Variants in NPC1 observed in about 807,000 individuals in gnomAD.
The protein encoded by NPC1 is Niemann-Pick C1 protein.
In NPC1, 85 loss-of-function variants were observed where a neutral mutation model predicts 140.4. The ratio of observed to expected loss-of-function variants is 0.61; its 90% confidence interval spans 0.51 to 0.72. The LOEUF (loss-of-function observed/expected upper bound fraction) is 0.72. NPC1 is among the 30% of genes least tolerant of loss of function. The pLI is 0.00. For synonymous variants in NPC1, 656 were observed against 624.8 expected (o/e 1.05, Z -0.74); for missense variants, 1,504 against 1,623.8 (o/e 0.93, Z 1.27).
At chr18:23,545,539 C>T (rs1234080136) in intron 11 of NPC1, among the ~76,000 whole-genome samples, 4 of 152,236 alleles carry the variant, frequency 2.6e-5, no homozygotes, top group African/African-American at 9.6e-5. Context: ...CCACTGTGCC[C>T]GGCTCAAAGG....
At chr18:23,516,233 G>T (rs915992705) in intron 3 of NPC1, 2 of 1,481,236 alleles carry the variant, frequency 1.4e-6, no homozygotes, top group Non-Finnish European at 1.9e-6. Flanking sequence ...CGAAGTCTGT[G>T]TTTATCCTTG....
At chr18:23,523,862 T>A (rs1938999630) in intron 1 of NPC1, among the ~76,000 whole-genome samples, 1 of 152,238 alleles carries the variant, frequency 6.6e-6, no homozygotes, top group South Asian at 2.1e-4. Flanking sequence ...ATGAGTCATC[T>A]TTGGTTATTA....
intron 3 of NPC1, chr18:23,506,903 C>T: frequency 4.5e-6 from 5 of 1,119,314 alleles, no homozygotes; most frequent in East Asian, 2.5e-5. Context: ...TGTCTTTTGC[C>T]TTTTCAATAA....
At chr18:23,540,560 AGACAG>A (rs1378783186) in intron 16 of NPC1, 23 bp from the exon 17 acceptor site, 1 of 1,478,300 alleles carries the variant, frequency 6.8e-7, no homozygotes, top group Non-Finnish European at 9.5e-7. Context: ...ATGAATCATA[AGACAG>A]AGACTGCTTA....
rs368990902 is a variant in NPC1 at position 23,555,023 on chromosome 18, C to T, written c.1327-39G>A. ...TTAAAAATAAGCAAACCCAGAAACACGTCACATTTCTCTCAGATCTTGATT... is the reference window on the plus strand; with the variant it reads ...TTAAAAATAAGCAAACCCAGAAACATGTCACATTTCTCTCAGATCTTGATT... On this transcript the variant is annotated intron_variant, in intron 8 of 24. Coordinates refer to ENST00000269228, the MANE Select transcript of NPC1 (RefSeq NM_000271.5). The T allele has an allele frequency of 1.3e-4, 159 of 1,269,696 alleles. 1 individual carries two copies. The highest frequency in any genetic ancestry group is 1.7e-4 in the Non-Finnish European group (148 of 871,612). 78.7% of individuals were successfully genotyped at this position (1,269,696 alleles called of 1,614,324 possible). A position where few individuals can be genotyped will look rare whatever the true frequency, so the allele number is the denominator to read the frequency against.
chr18:23,532,018 T>A lies in NPC1; in HGVS notation c.*184A>T. ...GTCCTGTGGTTGCCTCCAGATCTAG[T>A]AATACTGCTTCCCAAGTCAACTGTG... On this transcript the variant is annotated 3_prime_UTR_variant, in exon 25 of 25. Transcript: ENST00000269228. The A allele has an allele frequency of 6.6e-7, 1 of 1,517,512 alleles. No individual in the cohort carries two copies. The allele number at this position is 1,517,512 out of a possible 1,614,324, so 94.0% of individuals were successfully genotyped here.
At chr18:23,578,830 A>G (rs574280144) in intron 1 of NPC1, among the ~76,000 whole-genome samples, 5 of 152,166 alleles carry the variant, frequency 3.3e-5, no homozygotes. Flanking sequence ...TTCAAATGAA[A>G]ATCTCAGGCA....
chr18:23,520,067 G>C, downstream of NPC1: 1 of 635,310 alleles, frequency 1.6e-6, no homozygotes, highest in South Asian at 1.9e-5. Flanking sequence ...TCCTTCTCAA[G>C]TAAGAGCTAG....
intron 1 of NPC1, among the ~76,000 whole-genome samples, chr18:23,523,838 A>G (rs1432487685): frequency 6.6e-6 from 1 of 152,200 alleles, no homozygotes; most frequent in Non-Finnish European, 1.5e-5. Context: ...CTTAACGTGC[A>G]TATGTAAACG....
At chr18:23,549,082 C>T (rs1293301868) in intron 10 of NPC1, among the ~76,000 whole-genome samples, 1 of 152,070 alleles carries the variant, frequency 6.6e-6, no homozygotes, top group Non-Finnish European at 1.5e-5. Flanking sequence ...AGCCACTGCA[C>T]CTGGCTAGAA....
At chr18:23,520,048 A>G (rs2058102311), downstream of NPC1, among the ~76,000 whole-genome samples, 1 of 152,222 alleles carries the variant, frequency 6.6e-6, no homozygotes, top group Non-Finnish European at 1.5e-5. Flanking sequence ...TGTGATGTTA[A>G]TGACAAATTC....
At chr18:23,530,556 TC>T (rs1368008541), downstream of NPC1, 1 of 1,614,180 alleles carries the variant, frequency 6.2e-7, no homozygotes, top group South Asian at 1.1e-5. Context: ...TATACAATAT[TC>T]CGCTTTTTTG....
chr18:23,551,503 T>C (rs1024704624), intron 10 of NPC1, 124 bp downstream of exon 10: 1 of 808,036 alleles, frequency 1.2e-6, no homozygotes, highest in Admixed American at 1.7e-5. Context: ...TATTCTGGGA[T>C]TCAAGAGGTA....
At position 23,566,955 on chromosome 18, in the gene NPC1, G is replaced by A. The variant is rs181933429; in HGVS notation, c.463+1868C>T. On this transcript the variant is annotated intron_variant, in intron 4 of 24. Transcript: ENST00000269228. The stretch of plus-strand genomic sequence containing the variant: ...TGAGTAGTCTTTTCAGATTGGCTTT[G>A]CTTAGTAATAGGATTTAAGGTTCAT... 1.7e-4 allele frequency among the ~76,000 whole-genome samples: 26 copies of A among 152,296 alleles called. No homozygotes were observed. The East Asian group carries it at 4.8e-3, about 28-fold the overall frequency.
At chr18:23,547,177 A>G (rs2058802020) in intron 11 of NPC1, among the ~76,000 whole-genome samples, 2 of 152,088 alleles carry the variant, frequency 1.3e-5, no homozygotes, top group Non-Finnish European at 2.9e-5. Context: ...TCAGTAAAAC[A>G]ATTTTTTAAA....
chr18:23,529,872 A>G, downstream of NPC1: 3 of 1,040,734 alleles, frequency 2.9e-6, no homozygotes, highest in Non-Finnish European at 4.3e-6. Context: ...GGGAAGTGTA[A>G]GGTCAAGTTG....
At chr18:23,540,111 C>A (rs571346731) in intron 17 of NPC1, 110 bp from the exon 18 acceptor site, 2 of 920,962 alleles carry the variant, frequency 2.2e-6, no homozygotes, top group Non-Finnish European at 1.7e-6. Context: ...GGCTGAGATG[C>A]CTCCAGCTGG....
intron 20 of NPC1, among the ~76,000 whole-genome samples, chr18:23,537,150 C>T (rs888761663): frequency 2.0e-5 from 3 of 152,080 alleles, no homozygotes; most frequent in Admixed American, 1.3e-4. Context: ...CTCACTGCAA[C>T]CTCCACCTCC....
intron 4 of NPC1, among the ~76,000 whole-genome samples, chr18:23,565,816 T>C (rs2059116055): frequency 6.6e-6 from 1 of 152,218 alleles, no homozygotes; most frequent in Non-Finnish European, 1.5e-5. Flanking sequence ...TCAGGGTTCA[T>C]CCCTTATCCA....
Sources: allele counts gnomAD v4.1 joint callset (sites outside exome capture counted in the v4.1 genomes callset), GRCh38; gene constraint gnomAD v4.1.1; transcripts MANE v1.5; gene names NCBI Gene and HGNC (gene_info 2026-07-23, HGNC 2026-07-21).